Variants in LITAF observed in about 807,000 individuals in gnomAD.
LITAF encodes the protein lipopolysaccharide-induced tumor necrosis factor-alpha factor.
Under a neutral mutation model 14.5 loss-of-function variants are expected in LITAF, and 9 were observed. The observed-to-expected ratio is 0.62, with a 90% confidence interval of 0.37 to 1.08. The LOEUF is 1.08. Ranked by LOEUF, LITAF falls within the 50% of genes least tolerant of loss-of-function variation. The pLI, the probability that LITAF is intolerant of heterozygous loss-of-function variation, is 0.01. For synonymous variants in LITAF, 98 were observed against 88.2 expected (o/e 1.11, Z -0.62); for missense variants, 206 against 213.4 (o/e 0.97, Z 0.22).
At chr16:11,584,401 C>G (rs1208757801) in intron 1 of LITAF, 1 of 152,186 alleles carries the variant, frequency 6.6e-6, no homozygotes, top group Non-Finnish European at 1.5e-5. Flanking sequence ...TTATACACCT[C>G]TGAGCAGTGA....
intron 3 of LITAF, among the ~76,000 whole-genome samples, chr16:11,621,150 C>T (rs550629726): frequency 5.9e-4 from 90 of 152,260 alleles, no homozygotes; most frequent in African/African-American, 2.1e-3. Context: ...CCGCAACCTC[C>T]GCCTCCCAGG....
intron 1 of LITAF, among the ~76,000 whole-genome samples, chr16:11,596,656 G>A (rs1458755421): frequency 2.2e-5 from 2 of 89,350 alleles, no homozygotes; most frequent in African/African-American, 9.4e-5. Flanking sequence ...GAGGGGGAGA[G>A]GGAGGATGTG....
intron 3 of LITAF, among the ~76,000 whole-genome samples, chr16:11,629,503 G>T (rs1324350322): frequency 1.3e-5 from 2 of 152,146 alleles, no homozygotes; most frequent in African/African-American, 2.4e-5. Flanking sequence ...CTGAGGACCT[G>T]TCCTCGGCCA....
rs189559575 is a variant in LITAF at position 11,634,970 on chromosome 16, G to T, written c.-21+855C>A. Among the ~76,000 whole-genome samples the T allele has an allele frequency of 4.9e-4, 74 of 152,130 alleles. No homozygotes were observed. Among genetic ancestry groups the T allele is most frequent in the Admixed American group, 1.2e-3 (19 of 15,258 alleles). ...AATCGATTGAACCCGGGAAGCGGAG[G>T]TTGCAGAGAGCTGAGATCACGCCAT... On this transcript the variant is annotated intron_variant, in intron 2 of 3. Coordinates refer to the LITAF transcript ENST00000574848. The surrounding 1 kb of genome is among the most constrained non-coding windows in gnomAD (Gnocchi z 4.1).
intron 1 of LITAF, among the ~76,000 whole-genome samples, chr16:11,574,949 C>G (rs182030014): frequency 3.9e-5 from 6 of 152,204 alleles, no homozygotes; most frequent in African/African-American, 1.4e-4. Context: ...ATTACAGGTG[C>G]ATGCCACCAC....
chr16:11,582,373 G>A (rs2064752146), intron 1 of LITAF, among the ~76,000 whole-genome samples: 1 of 150,832 alleles, frequency 6.6e-6, no homozygotes, highest in South Asian at 2.1e-4. Flanking sequence ...CATGTGGGTG[G>A]TAAACTCTTC....
In LITAF at chr16:11,553,277, T is replaced by G. The variant is rs1221032952; in HGVS notation, c.377+256A>C. On this transcript the variant is annotated intron_variant, in intron 3 of 3. Transcript: ENST00000622633. This position sits in a 1 kb window ranked among gnomAD's most constrained non-coding sequence, Gnocchi z 7.7. ...CTACTAAAAATAAGCTGGGCGTGGTTGTGCACCCCTATAATCCCAGCTACA... is the reference window on the plus strand; with the variant it reads ...CTACTAAAAATAAGCTGGGCGTGGTGGTGCACCCCTATAATCCCAGCTACA... 1.3e-5 allele frequency: 6 copies of G among 459,192 alleles called. No homozygotes were observed. The highest frequency in any genetic ancestry group is 2.4e-5 in the Non-Finnish European group (6 of 246,996). 28.4% of individuals were successfully genotyped at this position (459,192 alleles called of 1,614,324 possible).
At chr16:11,629,239 G>A (rs1359044620) in intron 3 of LITAF, 1 of 152,342 alleles carries the variant, frequency 6.6e-6, no homozygotes, top group Non-Finnish European at 1.5e-5. Flanking sequence ...GGACACCGAG[G>A]ACTTTGGGGA....
chr16:11,620,819 G>A (rs751179182), intron 3 of LITAF, among the ~76,000 whole-genome samples: 3 of 152,236 alleles, frequency 2.0e-5, no homozygotes, highest in Non-Finnish European at 2.9e-5. Flanking sequence ...GGTGCAGCGG[G>A]CACTGTCATG....
At chr16:11,631,422 G>A (rs996877513) in intron 3 of LITAF, among the ~76,000 whole-genome samples, 1 of 152,114 alleles carries the variant, frequency 6.6e-6, no homozygotes, top group Non-Finnish European at 1.5e-5. Context: ...TTGAGACAGG[G>A]TCTCACTCTG....
chr16:11,638,117 T>TATAGATAGATATAGATAG (rs138178230), upstream of LITAF, among the ~76,000 whole-genome samples: 1 of 69,512 alleles, frequency 1.4e-5, no homozygotes, highest in Non-Finnish European at 2.6e-5. Flanking sequence ...TATCTATCTA[T>TATAGATAGATATAGATAG]ATAGATAGAT....
intron 1 of LITAF, among the ~76,000 whole-genome samples, chr16:11,579,047 G>A (rs1159475738): frequency 1.3e-5 from 2 of 151,992 alleles, no homozygotes; most frequent in African/African-American, 4.8e-5. Flanking sequence ...AAATTAGCTG[G>A]GTGTGGTGGT....
At chr16:11,616,920 A>G (rs2065022849) in intron 3 of LITAF, among the ~76,000 whole-genome samples, 1 of 151,476 alleles carries the variant, frequency 6.6e-6, no homozygotes, top group Admixed American at 6.6e-5. Context: ...TCAAAAAAAA[A>G]AAAAAAAAAA....
In LITAF at chr16:11,579,620, G is replaced by A. The variant is rs558190078; in HGVS notation, c.-6+7266C>T. 2.6e-4 allele frequency among the ~76,000 whole-genome samples: 39 copies of A among 152,250 alleles called. 4 individuals are homozygous for A. The highest frequency in any genetic ancestry group is 3.4e-3 in the Middle Eastern group (1 of 294). ...AACTGGGAACTCCAGATAAAGTCTGGAGTTTGGTGAACAATAACATACCCT... is the reference window on the plus strand; with the variant it reads ...AACTGGGAACTCCAGATAAAGTCTGAAGTTTGGTGAACAATAACATACCCT... On this transcript the variant is annotated intron_variant, in intron 1 of 3. Transcript: ENST00000622633.
intron 3 of LITAF, among the ~76,000 whole-genome samples, chr16:11,612,503 C>T (rs1488398213): frequency 6.6e-6 from 1 of 152,224 alleles, no homozygotes. Flanking sequence ...TGTCTGACCT[C>T]GTGTGGGTCA....
chr16:11,573,661 A>G, intron 1 of LITAF, among the ~76,000 whole-genome samples: 1 of 146,598 alleles, frequency 6.8e-6, no homozygotes, highest in South Asian at 2.2e-4. Flanking sequence ...GAGTGTTTGT[A>G]GTGTGCCACC....
At chr16:11,560,688 G>A (rs1259221514) in intron 1 of LITAF, among the ~76,000 whole-genome samples, 1 of 152,198 alleles carries the variant, frequency 6.6e-6, no homozygotes, top group Non-Finnish European at 1.5e-5. Context: ...GTCACAGAAG[G>A]TTATAGAGAA....
chr16:11,579,747 T>G (rs2064704908), intron 1 of LITAF, among the ~76,000 whole-genome samples: 1 of 152,192 alleles, frequency 6.6e-6, no homozygotes, highest in South Asian at 2.1e-4. Context: ...ACTTCACAAC[T>G]TTCTTGCAAA....
At chr16:11,622,359 A>T (rs2065056422) in intron 3 of LITAF, among the ~76,000 whole-genome samples, 1 of 152,240 alleles carries the variant, frequency 6.6e-6, no homozygotes, top group Non-Finnish European at 1.5e-5. Context: ...GTGGGGAGAT[A>T]TCCCAAGACC....
Sources: gnomAD v4.1 joint callset for allele counts (sites outside exome capture counted in the v4.1 genomes callset) on GRCh38, gnomAD v4.1.1 for gene constraint, Gnocchi (gnomAD v3.1) non-coding constraint, MANE v1.5 for transcripts, NCBI Gene and HGNC (gene_info 2026-07-23, HGNC 2026-07-21) for gene names.